CNNM4: variants seen among roughly 807,000 people sequenced by gnomAD.
The protein encoded by CNNM4 is cyclin and CBS domain divalent metal cation transport mediator 4.
A neutral mutation model predicts 53.7 loss-of-function variants in CNNM4; 32 were observed. That is an observed-to-expected ratio of 0.60 (90% CI 0.45 to 0.80). The LOEUF (loss-of-function observed/expected upper bound fraction) is 0.80. Ranked by LOEUF, CNNM4 falls within the 30% of genes least tolerant of loss-of-function variation. CNNM4 has a pLI of 0.00. For missense variants in CNNM4, 784 were observed against 1,022.0 expected, an observed-to-expected ratio of 0.77 and a Z score of 3.17; for synonymous variants, 410 against 440.0, an observed-to-expected ratio of 0.93 and a Z score of 0.85.
At chr2:96,787,600 A>G (rs1417132725) in intron 1 of CNNM4, among the ~76,000 whole-genome samples, 2 of 152,134 alleles carry the variant, frequency 1.3e-5, no homozygotes, top group Non-Finnish European at 2.9e-5. Context: ...ACTCACGCCT[A>G]CAGTCCCAGC....
chr2:96,789,314 C>T (rs1215461792), intron 1 of CNNM4, among the ~76,000 whole-genome samples: 2 of 152,204 alleles, frequency 1.3e-5, no homozygotes, highest in African/African-American at 2.4e-5. Context: ...AAAGAGGTGA[C>T]ACGGAGGCTG....
chr2:96,802,350 A>T (rs2079167491), intron 5 of CNNM4, among the ~76,000 whole-genome samples: 1 of 152,224 alleles, frequency 6.6e-6, no homozygotes, highest in South Asian at 2.1e-4. Flanking sequence ...CCAAGAGGAG[A>T]CGCACCCCAG....
intron 1 of CNNM4, among the ~76,000 whole-genome samples, chr2:96,785,273 C>A (rs955834021): frequency 1.3e-5 from 2 of 151,946 alleles, no homozygotes; most frequent in African/African-American, 2.4e-5. Flanking sequence ...TCCATTCAAT[C>A]AAAAATTATG....
intron 4 of CNNM4, 98 bp downstream of exon 4, chr2:96,799,324 C>T: frequency 6.6e-7 from 1 of 1,517,044 alleles, no homozygotes. Context: ...GCATGGCTTC[C>T]CTGCCTGGGG....
intron 1 of CNNM4, among the ~76,000 whole-genome samples, chr2:96,779,508 C>CAA (rs1178143077): frequency 0.11 from 7,052 of 61,822 alleles, 274 homozygotes; most frequent in Middle Eastern, 0.24. Flanking sequence ...GACCTCGTCT[C>CAA]AAAAAAAAAA....
Position 96,797,139 on chromosome 2 carries a change from C to T in CNNM4, c.1530C>T (p.Asp510=), listed in dbSNP as rs773821339. The change falls in exon 2 of 7, where the codon GAC becomes GAT. Residue 510 remains aspartate, a synonymous_variant. Coordinates refer to ENST00000377075, the MANE Select transcript of CNNM4 (RefSeq NM_020184.4). The surrounding 1 kb of genome is among the most constrained non-coding windows in gnomAD (Gnocchi z 6.0). The part of the protein sequence containing the change: ...IEEIIKSEIL[D]ESDMYTDNRS... The stretch of plus-strand genomic sequence containing the variant: ...AGATCATCAAGTCGGAGATCCTGGA[C>T]GAGTCCGACATGTACAGTGAGTCCA... The T allele has an allele frequency of 1.9e-5, 30 of 1,614,032 alleles. No homozygotes were observed. The highest frequency in any genetic ancestry group is 1.6e-4 in the African/African-American group (12 of 74,938).
At position 96,808,832 on chromosome 2, in the gene CNNM4, C is replaced by A; in HGVS notation, c.2130+90C>A. On this transcript the variant is annotated intron_variant, in intron 6 of 6. Coordinates refer to ENST00000377075, the MANE Select transcript of CNNM4 (RefSeq NM_020184.4). The surrounding 1 kb of genome is among the most constrained non-coding windows in gnomAD (Gnocchi z 4.9). ...ATCCACCAAACCCAGCATGGTGGGC[C>A]CAAACCCGAGATGCCTTTTTCTTCT... The A allele has an allele frequency of 7.4e-7, 1 of 1,343,684 alleles. No individual in the cohort carries two copies. Among genetic ancestry groups the A allele is most frequent in the Non-Finnish European group, 1.1e-6 (1 of 945,636 alleles). 83.2% of individuals were successfully genotyped at this position (1,343,684 alleles called of 1,614,324 possible).
intron 1 of CNNM4, among the ~76,000 whole-genome samples, chr2:96,791,434 C>T (rs1267204732): frequency 6.6e-6 from 1 of 151,776 alleles, no homozygotes; most frequent in African/African-American, 2.4e-5. Context: ...GAGCTCGAGA[C>T]CAGCCTGGCC....
chr2:96,768,567 C>T (rs1268091348), intron 1 of CNNM4, among the ~76,000 whole-genome samples: 1 of 152,066 alleles, frequency 6.6e-6, no homozygotes, highest in African/African-American at 2.4e-5. Flanking sequence ...TTGTGAAAGT[C>T]TGAGGTTTCT....
intron 1 of CNNM4, among the ~76,000 whole-genome samples, chr2:96,780,036 G>A (rs2078960192): frequency 6.6e-6 from 1 of 152,058 alleles, no homozygotes; most frequent in Non-Finnish European, 1.5e-5. Context: ...TCTTGACCTT[G>A]TAATCTGCCC....
chr2:96,777,424 T>G (rs776014600), intron 1 of CNNM4, among the ~76,000 whole-genome samples: 2 of 152,062 alleles, frequency 1.3e-5, no homozygotes, highest in Admixed American at 6.6e-5. Flanking sequence ...TGGCTCACTA[T>G]AGCTTCAACT....
At chr2:96,764,637 C>T (rs2153342859) in intron 1 of CNNM4, among the ~76,000 whole-genome samples, 1 of 152,316 alleles carries the variant, frequency 6.6e-6, no homozygotes, top group South Asian at 2.1e-4. Context: ...CTGGCGTCCA[C>T]CTTCTTAGTC....
At position 96,761,493 on chromosome 2, in the gene CNNM4, A is replaced by G; in HGVS notation, c.494A>G (p.Asp165Gly). 1 of 1,614,020 alleles carries G rather than the reference A, an allele frequency of 6.2e-7. No homozygotes were observed. Among genetic ancestry groups the G allele is most frequent in the South Asian group, 1.1e-5 (1 of 91,076 alleles). The change falls in exon 1 of 7, where the codon GAC (aspartate) becomes GGC (glycine). Residue 165 changes from aspartate to glycine, a missense_variant. Physicochemically the swap from Asp to Gly is moderately conservative, Grantham distance 94. Around this residue, in one of 3 missense-constraint regions of CNNM4, gnomAD observed 473 missense variants for 624.6 expected, o/e 0.76. Coordinates refer to ENST00000377075, the MANE Select transcript of CNNM4 (RefSeq NM_020184.4). The surrounding 1 kb of genome is among the most constrained non-coding windows in gnomAD (Gnocchi z 6.0). ...QPDGPWLKWTDKDSLLFMVEE... is the reference protein window; with the variant it reads ...QPDGPWLKWTGKDSLLFMVEE... ...GACGGGCCCTGGCTGAAGTGGACGG[A>G]CAAGGACTCACTGCTCTTCATGGTG... is the stretch of plus-strand genomic sequence containing the variant.
chr2:96,782,036 T>G (rs1353190009), intron 1 of CNNM4, among the ~76,000 whole-genome samples: 1 of 152,322 alleles, frequency 6.6e-6, no homozygotes, highest in South Asian at 2.1e-4. Context: ...ATACACTGAT[T>G]GATTTTTTAA....
At position 96,808,573 on chromosome 2, in the gene CNNM4, C is replaced by T; in HGVS notation, c.1961C>T (p.Ala654Val). Residue 654 changes from alanine to valine, a missense_variant, in exon 6 of 7, where the codon GCA (alanine) becomes GTA (valine). Transcript: ENST00000377075. This position sits in a 1 kb window ranked among gnomAD's most constrained non-coding sequence, Gnocchi z 4.9. ...LTSVPSDRSP[A>V]HPTPLSRSAS... is the part of the protein sequence containing the mutation. The stretch of plus-strand genomic sequence containing the variant: ...GCTCTCCCTGCAGACCGTTCCCCAG[C>T]ACACCCCACCCCACTCAGCCGCTCA... 6.2e-7 allele frequency: 1 copy of T among 1,614,078 alleles called. No individual in the cohort carries two copies. Among genetic ancestry groups the T allele is most frequent in the Non-Finnish European group, 8.5e-7 (1 of 1,180,012 alleles).
Position 96,808,247 on chromosome 2 carries a change from G to C in CNNM4, c.1949-314G>C, listed in dbSNP as rs2079226293. 6.6e-6 allele frequency among the ~76,000 whole-genome samples: 1 copy of C among 152,182 alleles called. No individual in the cohort carries two copies. Among genetic ancestry groups the C allele is most frequent in the African/African-American group, 2.4e-5 (1 of 41,452 alleles). ...TCATTGTGTTGCCCTTGACTGATTGGTTGTTGTGGGAAACGAGAGATTTTG... is the reference window on the plus strand; with the variant it reads ...TCATTGTGTTGCCCTTGACTGATTGCTTGTTGTGGGAAACGAGAGATTTTG... On this transcript the variant is annotated intron_variant, in intron 5 of 6. Transcript: ENST00000377075. This position sits in a 1 kb window ranked among gnomAD's most constrained non-coding sequence, Gnocchi z 4.9.
intron 5 of CNNM4, among the ~76,000 whole-genome samples, chr2:96,807,201 C>T (rs998219755): frequency 1.3e-5 from 2 of 152,072 alleles, no homozygotes; most frequent in South Asian, 2.1e-4. Context: ...TGTAGAGATG[C>T]GGTTTTGCTG....
At chr2:96,774,761 C>T (rs1340312707) in intron 1 of CNNM4, among the ~76,000 whole-genome samples, 1 of 151,850 alleles carries the variant, frequency 6.6e-6, no homozygotes, top group East Asian at 1.9e-4. Context: ...GTTAGGAGTT[C>T]GAGACCAGCC....
rs1326467287 is a variant in CNNM4, at chr2:96,760,992, A to G, written c.-8A>G. The G allele has an allele frequency of 1.8e-6, 2 of 1,123,090 alleles. No homozygotes were observed. Among genetic ancestry groups the G allele is most frequent in the African/African-American group, 3.3e-5 (2 of 60,230 alleles). 69.6% of individuals were successfully genotyped at this position (1,123,090 alleles called of 1,614,324 possible). A position where few individuals can be genotyped will look rare whatever the true frequency, so the allele number is the denominator to read the frequency against. ...GGGGAGCGGCGGCGGCGGCAGAGCC[A>G]GAGCAACATGGCGCCGGTGGGCGGG... On this transcript the variant is annotated 5_prime_UTR_variant, in exon 1 of 7. Coordinates refer to ENST00000377075, the MANE Select transcript of CNNM4 (RefSeq NM_020184.4).
Sources: allele counts gnomAD v4.1 joint callset (sites outside exome capture counted in the v4.1 genomes callset), GRCh38; gene constraint gnomAD v4.1.1; regional missense constraint gnomAD v4.1.1; non-coding constraint Gnocchi (gnomAD v3.1); transcripts MANE v1.5; gene names NCBI Gene and HGNC (gene_info 2026-07-23, HGNC 2026-07-21).